Variants in PRDM6 observed in about 807,000 individuals in gnomAD.
The protein encoded by PRDM6 is putative histone-lysine N-methyltransferase PRDM6.
Under a neutral mutation model 60.8 loss-of-function variants are expected in PRDM6, and 25 were observed. The observed-to-expected ratio is 0.41, with a 90% confidence interval of 0.30 to 0.57. PRDM6 has a LOEUF of 0.57. PRDM6 is among the 20% of genes least tolerant of loss of function. The pLI is 0.27. For missense variants in PRDM6, 839 were observed against 821.3 expected (o/e 1.02, Z -0.26); for synonymous variants, 407 against 357.4 (o/e 1.14, Z -1.57).
intron 5 of PRDM6, among the ~76,000 whole-genome samples, chr5:123,160,938 G>A (rs1765615644): frequency 6.6e-6 from 1 of 152,174 alleles, no homozygotes; most frequent in African/African-American, 2.4e-5. Flanking sequence ...AGAAGCCACT[G>A]TGCTCTGCCT....
At chr5:123,097,307 T>A (rs1469223291) in intron 2 of PRDM6, among the ~76,000 whole-genome samples, 1 of 152,226 alleles carries the variant, frequency 6.6e-6, no homozygotes, top group Non-Finnish European at 1.5e-5. Context: ...CCCCCAAAGT[T>A]ACTTCAGTGA....
intron 5 of PRDM6, among the ~76,000 whole-genome samples, chr5:123,169,742 A>G (rs761605185): frequency 6.6e-6 from 1 of 152,214 alleles, no homozygotes; most frequent in African/African-American, 2.4e-5. Flanking sequence ...AACCTCAGCC[A>G]TCTCAGCCAC....
intron 7 of PRDM6, among the ~76,000 whole-genome samples, chr5:123,180,664 G>A (rs1006124447): frequency 5.3e-5 from 8 of 152,122 alleles, no homozygotes; most frequent in Non-Finnish European, 1.2e-4. Context: ...ATCTAGGAGC[G>A]ACACAGAGCT....
intron 5 of PRDM6, among the ~76,000 whole-genome samples, chr5:123,167,564 T>C (rs183685066): frequency 1.7e-3 from 260 of 152,252 alleles, no homozygotes; most frequent in African/African-American, 6.0e-3. Flanking sequence ...TAATTTTGTA[T>C]TTTTAGTAGA....
intron 3 of PRDM6, among the ~76,000 whole-genome samples, chr5:123,152,628 A>G (rs923383016): frequency 1.9e-4 from 29 of 152,194 alleles, no homozygotes; most frequent in African/African-American, 6.8e-4. Context: ...CACCATTTCT[A>G]TGATTATTGT....
Position 123,090,188 on chromosome 5 carries a change from C to G in PRDM6, c.174C>G (p.Pro58=), listed in dbSNP as rs1048123490. ...QPLQPPPPPP[P]PERAEPPPDS... is the part of the protein sequence containing the mutation. ...TTCAGCCGCCGCCGCCGCCCCCGCC[C>G]CCGGAGCGCGCTGAGCCTCCGCCGG... The change falls in exon 2 of 8, where the codon CCC becomes CCG. Residue 58 remains proline (P), a synonymous_variant. Transcript: ENST00000407847. 347 of 1,487,260 alleles carry G rather than the reference C, an allele frequency of 2.3e-4. No homozygotes were observed. The highest frequency in any genetic ancestry group is 2.8e-4 in the Non-Finnish European group (319 of 1,122,668). 92.1% of individuals were successfully genotyped at this position (1,487,260 alleles called of 1,614,324 possible).
At chr5:123,152,386 A>T (rs2126870053) in intron 3 of PRDM6, among the ~76,000 whole-genome samples, 1 of 152,278 alleles carries the variant, frequency 6.6e-6, no homozygotes, top group African/African-American at 2.4e-5. Context: ...GAGATCGAGG[A>T]CCCATCTTTT....
At chr5:123,138,555 T>C (rs964416611) in intron 3 of PRDM6, among the ~76,000 whole-genome samples, 2 of 152,242 alleles carry the variant, frequency 1.3e-5, no homozygotes, top group African/African-American at 2.4e-5. Context: ...AGTCATACTT[T>C]AGGGATTTGG....
At chr5:123,128,397 C>T (rs374245887) in intron 3 of PRDM6, among the ~76,000 whole-genome samples, 52 of 152,268 alleles carry the variant, frequency 3.4e-4, no homozygotes, top group Middle Eastern at 3.4e-3. Flanking sequence ...AGTGTAAAAG[C>T]GTTCCTATTT....
chr5:123,156,355 TAGA>T (rs746058639), intron 4 of PRDM6, among the ~76,000 whole-genome samples: 5 of 152,156 alleles, frequency 3.3e-5, no homozygotes, highest in African/African-American at 4.8e-5. Context: ...CACAGATAAG[TAGA>T]AGGTCAGAGA....
intron 3 of PRDM6, among the ~76,000 whole-genome samples, chr5:123,105,809 A>G (rs1764187997): frequency 6.6e-6 from 1 of 152,266 alleles, no homozygotes; most frequent in Admixed American, 6.5e-5. Flanking sequence ...TAAAAGTCAG[A>G]GAAGCCAGAG....
chr5:123,092,348 A>T (rs1425591616), intron 2 of PRDM6, among the ~76,000 whole-genome samples: 2 of 152,190 alleles, frequency 1.3e-5, no homozygotes, highest in Non-Finnish European at 2.9e-5. Flanking sequence ...TGCTTCATCA[A>T]TCTTGCAATT....
intron 3 of PRDM6, among the ~76,000 whole-genome samples, chr5:123,145,703 G>A (rs1765223122): frequency 6.6e-6 from 1 of 150,944 alleles, no homozygotes; most frequent in African/African-American, 2.4e-5. Context: ...CGTGACATAA[G>A]GAAATGTCTT....
At chr5:123,118,550 A>G (rs1226196353) in intron 3 of PRDM6, among the ~76,000 whole-genome samples, 6 of 152,216 alleles carry the variant, frequency 3.9e-5, no homozygotes, top group East Asian at 1.9e-4. Flanking sequence ...TCTCCCCTTC[A>G]TTTGGGCTGA....
chr5:123,140,939 A>G (rs1030067326), intron 3 of PRDM6, among the ~76,000 whole-genome samples: 1 of 152,108 alleles, frequency 6.6e-6, no homozygotes, highest in African/African-American at 2.4e-5. Context: ...TCCCCCTTTT[A>G]AATTGAACCT....
intron 3 of PRDM6, among the ~76,000 whole-genome samples, chr5:123,107,721 G>T (rs970107499): frequency 1.3e-5 from 2 of 152,106 alleles, no homozygotes; most frequent in African/African-American, 4.8e-5. Context: ...AACAATTTTT[G>T]TTCTGATTTT....
chr5:123,090,308 T>C lies in PRDM6; in HGVS notation c.294T>C (p.Ala98=). 7.6e-7 allele frequency: 1 copy of C among 1,322,582 alleles called. No individual in the cohort carries two copies. The highest frequency in any genetic ancestry group is 1.4e-5 in the South Asian group (1 of 69,582). The allele number at this position is 1,322,582 out of a possible 1,614,324, so 81.9% of individuals were successfully genotyped here. ...CCTCCTCCGCCTCCTCCTGCGCTGC[T>C]GCGGCCGCTGCCGCCGCGCTGGCTG... ...TSASSASSCA[A]AAAAAALAGL... The change falls in exon 2 of 8, where the codon GCT becomes GCC. Residue 98 remains alanine (A), a synonymous_variant. Coordinates refer to ENST00000407847, the MANE Select transcript of PRDM6 (RefSeq NM_001136239.4).
rs1394418482 is a variant in PRDM6 at position 123,090,593 on chromosome 5, C to G, written c.579C>G (p.Ser193Arg). 1 of 1,523,784 alleles carries G rather than the reference C, an allele frequency of 6.6e-7. No individual in the cohort carries two copies. The highest frequency in any genetic ancestry group is 1.4e-5 in the African/African-American group (1 of 71,412). 94.4% of individuals were successfully genotyped at this position (1,523,784 alleles called of 1,614,324 possible). The change falls in exon 2 of 8, where the codon AGC (serine) becomes AGG (arginine). Residue 193 changes from serine (S) to arginine (R), a missense_variant. Around this residue, in one of 2 missense-constraint regions of PRDM6, gnomAD observed 730 missense variants for 648.8 expected, o/e 1.13. Coordinates refer to ENST00000407847, the MANE Select transcript of PRDM6 (RefSeq NM_001136239.4). ...TCATCCCGCTCAACCAGCACACCAG[C>G]GACCCCAACAACCGTACGTAGCCGC... ...MEIIPLNQHT[S>R]DPNNRCDMCA...
Position 123,109,905 on chromosome 5 carries a change from A to T in PRDM6, c.900+9944A>T, listed in dbSNP as rs1381852037. On this transcript the variant is annotated intron_variant, in intron 3 of 7. Coordinates refer to ENST00000407847, the MANE Select transcript of PRDM6 (RefSeq NM_001136239.4). ...ACAGACCTCAAATCAGGAGCAATTC[A>T]TTAGGTAGGTTTGACACTGGATATT... Among the ~76,000 whole-genome samples, 8 of 152,350 alleles carry T rather than the reference A, an allele frequency of 5.3e-5. No homozygotes were observed. In the East Asian group the frequency reaches 1.5e-3, roughly 29 times the overall value.
Sources: allele counts gnomAD v4.1 joint callset (sites outside exome capture counted in the v4.1 genomes callset), GRCh38; gene constraint gnomAD v4.1.1; regional missense constraint gnomAD v4.1.1; transcripts MANE v1.5; gene names NCBI Gene and HGNC (gene_info 2026-07-23, HGNC 2026-07-21).